DIS3L2: variants seen among roughly 807,000 people sequenced by gnomAD.
DIS3L2 encodes DIS3 like 3'-5' exoribonuclease 2, also known as DIS3-like exonuclease 2.
Under a neutral mutation model 97.5 loss-of-function variants are expected in DIS3L2, and 34 were observed. That is an observed-to-expected ratio of 0.35 (90% confidence interval 0.27 to 0.46). The LOEUF is 0.46. Among genes scored for constraint, DIS3L2 ranks in the 20% least tolerant of loss-of-function variants. The pLI, the probability that DIS3L2 is intolerant of heterozygous loss-of-function variation, is 1.00. For synonymous variants in DIS3L2, 435 were observed against 445.2 expected, an observed-to-expected ratio of 0.98 and a Z score of 0.29; for missense variants, 1,038 against 1,146.0, an observed-to-expected ratio of 0.91 and a Z score of 1.36.
At chr2:232,123,820 C>T (rs1045506487) in intron 6 of DIS3L2, among the ~76,000 whole-genome samples, 2 of 152,196 alleles carry the variant, frequency 1.3e-5, no homozygotes, top group African/African-American at 4.8e-5. Context: ...TTATAAGAAG[C>T]TGGAACCCCA....
chr2:232,015,892 T>A, intron 3 of DIS3L2: 1 of 400,424 alleles, frequency 2.5e-6, no homozygotes, highest in Non-Finnish European at 4.4e-6. Context: ...ACAGGAAAAG[T>A]GCTCTGAGAT....
chr2:232,320,249 TAA>T (rs1372176931), intron 14 of DIS3L2, among the ~76,000 whole-genome samples: 4 of 152,112 alleles, frequency 2.6e-5, no homozygotes, highest in African/African-American at 7.2e-5. Flanking sequence ...GTCAATATTT[TAA>T]AAGTCACAGA....
At chr2:232,230,823 A>G (rs558521915) in intron 10 of DIS3L2, among the ~76,000 whole-genome samples, 43 of 152,180 alleles carry the variant, frequency 2.8e-4, no homozygotes, top group African/African-American at 1.0e-3. Flanking sequence ...AGCTCTTCTC[A>G]GGGCCCATCC....
Position 232,293,510 on chromosome 2 carries a change from G to A in DIS3L2, c.1660-6530G>A, listed in dbSNP as rs1694652508. 6.6e-6 allele frequency among the ~76,000 whole-genome samples: 1 copy of A among 152,188 alleles called. No homozygotes were observed. The highest frequency in any genetic ancestry group is 2.4e-5 in the African/African-American group (1 of 41,442). Reference sequence around the variant, plus strand: ...TCCCCTGGAAGCAGGTGGAGCATGAGGAAGGGCACAGAGGCCTAAGAGAGC... The same window carrying A: ...TCCCCTGGAAGCAGGTGGAGCATGAAGAAGGGCACAGAGGCCTAAGAGAGC... On this transcript the variant is annotated intron_variant, in intron 13 of 20. Coordinates refer to ENST00000325385, the MANE Select transcript of DIS3L2 (RefSeq NM_152383.5). The surrounding 1 kb of genome is among the most constrained non-coding windows in gnomAD (Gnocchi z 4.6).
chr2:232,046,745 T>C (rs551164636), intron 5 of DIS3L2, among the ~76,000 whole-genome samples: 2 of 152,236 alleles, frequency 1.3e-5, no homozygotes, highest in Non-Finnish European at 2.9e-5. Flanking sequence ...TTTTAGAATA[T>C]CTTGAGTTAT....
At chr2:232,329,788 C>T (rs770755464) in intron 14 of DIS3L2, 25 bp from the exon 15 acceptor site, 2 of 1,080,700 alleles carry the variant, frequency 1.9e-6, no homozygotes, top group Admixed American at 6.6e-5. Context: ...CCAGCGGTCC[C>T]TCCCATCCCA....
intron 5 of DIS3L2, among the ~76,000 whole-genome samples, chr2:232,068,910 G>A (rs563425807): frequency 5.9e-5 from 9 of 151,912 alleles, no homozygotes; most frequent in African/African-American, 1.2e-4. Flanking sequence ...TTTGCCTCCC[G>A]GGTTCAGGTG....
In DIS3L2 at chr2:232,130,640, C is replaced by T. The variant is rs1022276697; in HGVS notation, c.623C>T (p.Pro208Leu). The change falls in exon 7 of 21, where the codon CCG (proline) becomes CTG (leucine). Residue 208 changes from proline (P) to leucine (L), a missense_variant. By Grantham distance (98) the Pro-to-Leu change is moderately conservative. This residue lies in a region of DIS3L2 where 813 missense variants were observed against 880.1 expected (regional missense o/e 0.92). Coordinates refer to ENST00000325385, the MANE Select transcript of DIS3L2 (RefSeq NM_152383.5). ...GTAGGAAGAGAGGATGGTGATGCAC[C>T]GGTTACAAAAGATGAGACCACCTGC... is the stretch of plus-strand genomic sequence containing the variant. ...SEKGREDGDA[P>L]VTKDETTCIS... 8.1e-6 allele frequency: 13 copies of T among 1,611,802 alleles called. No homozygotes were observed. The highest frequency in any genetic ancestry group is 2.7e-5 in the African/African-American group (2 of 74,734).
chr2:232,003,124 C>G (rs576548351), intron 1 of DIS3L2, among the ~76,000 whole-genome samples: 2 of 152,340 alleles, frequency 1.3e-5, no homozygotes, highest in South Asian at 2.1e-4. Flanking sequence ...TGGCAGGGAT[C>G]TTAAATGATA....
At chr2:231,994,662 A>C (rs1196500353) in intron 1 of DIS3L2, among the ~76,000 whole-genome samples, 4 of 152,172 alleles carry the variant, frequency 2.6e-5, no homozygotes, top group African/African-American at 9.7e-5. Flanking sequence ...TCAAGAGGAG[A>C]AAGTCTAGTA....
At chr2:232,042,642 T>C (rs778328166) in intron 5 of DIS3L2, among the ~76,000 whole-genome samples, 8 of 152,232 alleles carry the variant, frequency 5.3e-5, no homozygotes, top group Non-Finnish European at 1.0e-4. Flanking sequence ...CATCAAATAC[T>C]TCAGGTTCTT....
At chr2:232,284,066 T>A (rs781480137) in intron 13 of DIS3L2, among the ~76,000 whole-genome samples, 10 of 152,176 alleles carry the variant, frequency 6.6e-5, no homozygotes, top group Non-Finnish European at 1.3e-4. Flanking sequence ...GTGGGTTGTT[T>A]TTTTTTTAAT....
At chr2:232,041,463 C>G (rs760566868) in intron 5 of DIS3L2, among the ~76,000 whole-genome samples, 1 of 152,096 alleles carries the variant, frequency 6.6e-6, no homozygotes, top group Non-Finnish European at 1.5e-5. Flanking sequence ...AGCCACTGGG[C>G]TAGGAGTCAA....
chr2:232,207,451 C>T (rs555352771), intron 9 of DIS3L2, among the ~76,000 whole-genome samples: 3 of 152,290 alleles, frequency 2.0e-5, no homozygotes, highest in Non-Finnish European at 2.9e-5. Flanking sequence ...ACACAGCCCT[C>T]GGAGCACGCA....
chr2:232,216,028 C>G (rs1308230796), intron 10 of DIS3L2, among the ~76,000 whole-genome samples: 1 of 152,230 alleles, frequency 6.6e-6, no homozygotes. Context: ...TGCTGTACCA[C>G]CTGAAGTCTC....
chr2:232,062,713 T>C (rs994184974), intron 5 of DIS3L2, among the ~76,000 whole-genome samples: 1 of 152,186 alleles, frequency 6.6e-6, no homozygotes, highest in Admixed American at 6.5e-5. Context: ...CCAAGCCCTC[T>C]TAATGAACAG....
chr2:231,986,339 C>G (rs1375136713), intron 1 of DIS3L2, among the ~76,000 whole-genome samples: 3 of 152,164 alleles, frequency 2.0e-5, no homozygotes, highest in Non-Finnish European at 2.9e-5. Flanking sequence ...CTGGAGAACC[C>G]TGATTAGTAC....
intron 1 of DIS3L2, among the ~76,000 whole-genome samples, chr2:231,967,430 T>G (rs904259137): frequency 9.9e-5 from 15 of 152,248 alleles, no homozygotes; most frequent in Admixed American, 6.5e-4. Flanking sequence ...TAACTTCATT[T>G]TTTTAGGGAC....
intron 9 of DIS3L2, among the ~76,000 whole-genome samples, chr2:232,186,832 C>T (rs1559715415): frequency 6.6e-6 from 1 of 152,028 alleles, no homozygotes; most frequent in Non-Finnish European, 1.5e-5. Flanking sequence ...GGATCGTAGA[C>T]CTGAATGTAA....
Sources: allele counts gnomAD v4.1 joint callset (sites outside exome capture counted in the v4.1 genomes callset), GRCh38; gene constraint gnomAD v4.1.1; regional missense constraint gnomAD v4.1.1; non-coding constraint Gnocchi (gnomAD v3.1); transcripts MANE v1.5; gene names NCBI Gene and HGNC (gene_info 2026-07-23, HGNC 2026-07-21).